KIF26B: variants seen among roughly 807,000 people sequenced by gnomAD.
KIF26B encodes kinesin-like protein KIF26B.
KIF26B carries 63 observed loss-of-function variants against 151.2 expected under a neutral mutation model. The ratio of observed to expected loss-of-function variants is 0.42; its 90% CI spans 0.34 to 0.51. The LOEUF (loss-of-function observed/expected upper bound fraction) is 0.51, where lower values mean the gene tolerates loss of function less well. Among genes scored for constraint, KIF26B ranks in the 20% least tolerant of loss-of-function variants. KIF26B has a pLI of 0.07. For synonymous variants in KIF26B, 1,357 were observed against 1,262.1 expected, an observed-to-expected ratio of 1.08 and a Z score of -1.59; for missense variants, 2,813 against 2,913.6, an observed-to-expected ratio of 0.97 and a Z score of 0.79.
intron 6 of KIF26B, among the ~76,000 whole-genome samples, chr1:245,605,462 A>T (rs561475601): frequency 6.6e-6 from 1 of 152,294 alleles, no homozygotes; most frequent in Admixed American, 6.5e-5. Flanking sequence ...TTCGTTTCTA[A>T]GGAAATCAGC....
intron 9 of KIF26B, among the ~76,000 whole-genome samples, chr1:245,638,464 C>G (rs559247131): frequency 6.6e-6 from 1 of 151,736 alleles, no homozygotes; most frequent in African/African-American, 2.4e-5. Flanking sequence ...ATTTGGATGC[C>G]CTTTATTTCT....
intron 2 of KIF26B, among the ~76,000 whole-genome samples, chr1:245,339,271 C>T (rs977234947): frequency 1.3e-5 from 2 of 152,206 alleles, no homozygotes; most frequent in African/African-American, 4.8e-5. Context: ...AGCCACCGCA[C>T]CCGGCCTTTT....
chr1:245,555,966 G>A (rs1662013835), intron 5 of KIF26B, among the ~76,000 whole-genome samples: 1 of 151,904 alleles, frequency 6.6e-6, no homozygotes, highest in Admixed American at 6.6e-5. Flanking sequence ...TGCCCAGGGA[G>A]TGCAGTAGGG....
chr1:245,169,130 C>G (rs764419194), intron 2 of KIF26B, among the ~76,000 whole-genome samples: 1 of 151,798 alleles, frequency 6.6e-6, no homozygotes, highest in African/African-American at 2.4e-5. Flanking sequence ...CACTTGGTGC[C>G]CCTCCCTCGT....
intron 5 of KIF26B, among the ~76,000 whole-genome samples, chr1:245,592,006 G>A (rs1283802531): frequency 2.6e-5 from 4 of 152,174 alleles, no homozygotes; most frequent in African/African-American, 4.8e-5. Flanking sequence ...ACAGACTCGT[G>A]TTGATGAAGA....
intron 4 of KIF26B, among the ~76,000 whole-genome samples, chr1:245,539,916 G>T (rs1156267825): frequency 6.6e-6 from 1 of 152,182 alleles, no homozygotes; most frequent in Non-Finnish European, 1.5e-5. Context: ...GCCTCCCAAA[G>T]TGCTGGGATT....
chr1:245,290,890 G>A (rs1310833779), intron 2 of KIF26B, among the ~76,000 whole-genome samples: 1 of 152,268 alleles, frequency 6.6e-6, no homozygotes, highest in Non-Finnish European at 1.5e-5. Flanking sequence ...TGATTCTGCA[G>A]ACTAGCAGTT....
At chr1:245,510,289 A>G (rs1447604190) in intron 4 of KIF26B, among the ~76,000 whole-genome samples, 1 of 152,228 alleles carries the variant, frequency 6.6e-6, no homozygotes, top group Non-Finnish European at 1.5e-5. Context: ...AATTTCACTT[A>G]GAAAATGAAA....
chr1:245,590,203 C>CCGG (rs1229070301), intron 5 of KIF26B, among the ~76,000 whole-genome samples: 2 of 151,198 alleles, frequency 1.3e-5, no homozygotes, highest in Non-Finnish European at 3.0e-5. Flanking sequence ...CACAAACCAC[C>CCGG]CGGCGAGTCA....
At chr1:245,693,908 C>T (rs2044656327) in intron 12 of KIF26B, among the ~76,000 whole-genome samples, 1 of 152,180 alleles carries the variant, frequency 6.6e-6, no homozygotes, top group South Asian at 2.1e-4. Context: ...CAACCTAGAG[C>T]CAGTTGAGAA....
intron 2 of KIF26B, among the ~76,000 whole-genome samples, chr1:245,316,770 T>C (rs1278987648): frequency 6.6e-6 from 1 of 152,228 alleles, no homozygotes; most frequent in Non-Finnish European, 1.5e-5. Flanking sequence ...CTACATTTTA[T>C]AGAATACTTA....
At chr1:245,588,341 C>T (rs2043249507) in intron 5 of KIF26B, among the ~76,000 whole-genome samples, 1 of 152,214 alleles carries the variant, frequency 6.6e-6, no homozygotes, top group African/African-American at 2.4e-5. Flanking sequence ...CTGCTTTGAA[C>T]TCCTGCTGCT....
At chr1:245,442,023 C>G (rs1231992467) in intron 4 of KIF26B, among the ~76,000 whole-genome samples, 2 of 152,212 alleles carry the variant, frequency 1.3e-5, no homozygotes, top group African/African-American at 4.8e-5. Context: ...AAAATGCAGA[C>G]TGAGATTTAG....
At chr1:245,549,985 G>A (rs183371901) in intron 5 of KIF26B, among the ~76,000 whole-genome samples, 56 of 152,192 alleles carry the variant, frequency 3.7e-4, no homozygotes, top group African/African-American at 1.1e-3. Context: ...CACCATGTTG[G>A]CCAGGCTGGT....
Position 245,532,389 on chromosome 1 carries a change from GCGCC to G in KIF26B, c.1167-8373_1167-8370del, listed in dbSNP as rs1455508298. Among the ~76,000 whole-genome samples, 3 of 151,824 alleles carry G rather than the reference GCGCC, an allele frequency of 2.0e-5. No individual in the cohort carries two copies. The East Asian group carries it at 5.8e-4, about 29-fold the overall frequency. ...GCCTCCCGAGTAGCTGGGACTACAG[GCGCC>G]CGCCACCATGCCCAGCTAATTTTTT... On this transcript the variant is annotated intron_variant, in intron 4 of 14. Coordinates refer to ENST00000407071, the MANE Select transcript of KIF26B (RefSeq NM_018012.4).
chr1:245,178,975 T>TG (rs1668858570), intron 2 of KIF26B, among the ~76,000 whole-genome samples: 1 of 151,136 alleles, frequency 6.6e-6, no homozygotes, highest in African/African-American at 2.4e-5. Context: ...TAACCATGTT[T>TG]TTTTTTTTTA....
At chr1:245,679,670 T>C (rs1333772007) in intron 10 of KIF26B, among the ~76,000 whole-genome samples, 1 of 152,018 alleles carries the variant, frequency 6.6e-6, no homozygotes, top group African/African-American at 2.4e-5. Flanking sequence ...GGTTTCACCA[T>C]GTTGGCCAGG....
rs762013920 is a variant in KIF26B, at chr1:245,688,064, G to A, written c.5081G>A (p.Arg1694Gln). The A allele has an allele frequency of 1.2e-5, 18 of 1,552,732 alleles. 1 individual carries two copies. The East Asian group carries it at 3.4e-4, about 29-fold the overall frequency. ...RAESLSSVSS[R>Q]LHAGKDGTMP... ...GAGAGCCTGTCCTCCGTGAGCTCCC[G>A]GCTGCACGCGGGCAAGGACGGCACC... The change falls in exon 12 of 15, where the codon CGG (arginine) becomes CAG (glutamine). Residue 1694 changes from arginine to glutamine, a missense_variant. By Grantham distance (43) the Arg-to-Gln change is conservative. Transcript: ENST00000407071.
Position 245,520,107 on chromosome 1 carries a change from A to T in KIF26B, c.1167-20660A>T, listed in dbSNP as rs953518332. Reference sequence around the variant, plus strand: ...TAGTGTAAACTAAAATTAAATACTCAACTAACTGAGAGAGAGAGAGAGAGA... The same window carrying T: ...TAGTGTAAACTAAAATTAAATACTCTACTAACTGAGAGAGAGAGAGAGAGA... On this transcript the variant is annotated intron_variant, in intron 4 of 14. Transcript: ENST00000407071. Among the ~76,000 whole-genome samples the T allele has an allele frequency of 4.3e-5, 4 of 93,164 alleles. No individual in the cohort carries two copies. The Admixed American group carries it at 4.3e-4, about 10-fold the overall frequency. 61.1% of individuals were successfully genotyped at this position (93,164 alleles called of 152,430 possible). A position where few individuals can be genotyped will look rare whatever the true frequency, so the allele number is the denominator to read the frequency against.
Sources: gnomAD v4.1 joint callset for allele counts (sites outside exome capture counted in the v4.1 genomes callset) on GRCh38, gnomAD v4.1.1 for gene constraint, MANE v1.5 for transcripts, NCBI Gene and HGNC (gene_info 2026-07-23, HGNC 2026-07-21) for gene names.